HACE1: variants seen among roughly 807,000 people sequenced by gnomAD.
The protein encoded by HACE1 is HECT domain and ankyrin repeat containing E3 ubiquitin protein ligase 1, also known as E3 ubiquitin-protein ligase HACE1.
In HACE1, 73 loss-of-function variants were observed where a neutral mutation model predicts 118.4. That is an observed-to-expected ratio of 0.62 (90% CI 0.51 to 0.75). The LOEUF is 0.75. Among genes scored for constraint, HACE1 ranks in the 30% least tolerant of loss-of-function variants. The pLI is 0.00. For synonymous variants in HACE1, 368 were observed against 374.8 expected (o/e 0.98, Z 0.21); for missense variants, 749 against 1,102.2 (o/e 0.68, Z 4.54).
At chr6:104,752,909 C>A (rs756159609) in intron 19 of HACE1, among the ~76,000 whole-genome samples, 8 of 151,980 alleles carry the variant, frequency 5.3e-5, no homozygotes, top group Non-Finnish European at 8.8e-5. Context: ...TTAAGTAATT[C>A]AAATGTGGAT....
At chr6:104,839,543 TA>T (rs1449077752) in intron 5 of HACE1, among the ~76,000 whole-genome samples, 2 of 152,190 alleles carry the variant, frequency 1.3e-5, no homozygotes, top group Non-Finnish European at 2.9e-5. Flanking sequence ...GGTATGGTTA[TA>T]AAAGGGCAAC....
rs146346704 is a variant in HACE1 at position 104,735,638 on chromosome 6, A to C, written c.2514-5222T>G. Among the ~76,000 whole-genome samples the C allele has an allele frequency of 6.7e-3, 1,018 of 152,290 alleles. 10 individuals carry two copies. The highest frequency in any genetic ancestry group is 0.023 in the African/African-American group (972 of 41,576). Reference sequence around the variant, plus strand: ...AGAGCGAGACTCCGTCTCAAAAAAAAAAAAAGTAAAAATGACTATACCCTG... The same window carrying C: ...AGAGCGAGACTCCGTCTCAAAAAAACAAAAAGTAAAAATGACTATACCCTG... On this transcript the variant is annotated intron_variant, in intron 22 of 23. Coordinates refer to ENST00000262903, the MANE Select transcript of HACE1 (RefSeq NM_020771.4).
In HACE1 at chr6:104,852,181, C is replaced by T. The variant is rs535259385; in HGVS notation, c.131+136G>A. 30 of 655,230 alleles carry T rather than the reference C, an allele frequency of 4.6e-5. No homozygotes were observed. In the South Asian group the frequency reaches 5.1e-4, roughly 11 times the overall value. 40.6% of individuals were successfully genotyped at this position (655,230 alleles called of 1,614,324 possible). On this transcript the variant is annotated intron_variant, in intron 2 of 23. Coordinates refer to ENST00000262903, the MANE Select transcript of HACE1 (RefSeq NM_020771.4). ...AAAAGTTAAATAACTTGCCCCAGAA[C>T]ATCTATGTCCAAACTGTCTGTGTGT...
At chr6:104,803,205 C>A (rs759272071) in intron 7 of HACE1, among the ~76,000 whole-genome samples, 1 of 152,124 alleles carries the variant, frequency 6.6e-6, no homozygotes, top group East Asian at 1.9e-4. Context: ...AATTAATAGC[C>A]TACCAACCAA....
At chr6:104,799,007 G>A (rs568759643) in intron 7 of HACE1, among the ~76,000 whole-genome samples, 1 of 152,274 alleles carries the variant, frequency 6.6e-6, no homozygotes, top group South Asian at 2.1e-4. Context: ...TCAATGAATT[G>A]TATTATAGGC....
chr6:104,846,093 C>G (rs991388542), intron 4 of HACE1, among the ~76,000 whole-genome samples: 2 of 152,148 alleles, frequency 1.3e-5, no homozygotes, highest in African/African-American at 4.8e-5. Context: ...AAGCAGTAAT[C>G]TATAATGCTT....
chr6:104,774,676 G>A (rs983719024), intron 17 of HACE1, among the ~76,000 whole-genome samples: 7 of 152,096 alleles, frequency 4.6e-5, no homozygotes, highest in South Asian at 2.1e-4. Context: ...GAGCCACCGC[G>A]CCCAAGCAGG....
rs561820706 is a variant in HACE1 at position 104,815,199 on chromosome 6, C to T, written c.535-3806G>A. ...CTGCTGATAGTGATATGGACAATGA[C>T]GTCCAGGCTGAGGTGATCTCAGATG... On this transcript the variant is annotated intron_variant, in intron 6 of 23. Transcript: ENST00000262903. Among the ~76,000 whole-genome samples the T allele has an allele frequency of 8.0e-5, 11 of 137,366 alleles. 5 individuals are homozygous for T. Among genetic ancestry groups the T allele is most frequent in the African/African-American group, 2.9e-4 (10 of 34,266 alleles). The allele number at this position is 137,366 out of a possible 152,430, so 90.1% of individuals were successfully genotyped here.
chr6:104,846,147 G>A (rs1195081805), intron 4 of HACE1, among the ~76,000 whole-genome samples: 5 of 152,192 alleles, frequency 3.3e-5, no homozygotes, highest in Non-Finnish European at 7.3e-5. Flanking sequence ...GAATGTAGGA[G>A]AGAAATATAT....
Position 104,776,766 on chromosome 6 carries a change from A to C in HACE1, c.1839T>G (p.Tyr613Ter). Residue 613 changes from tyrosine (Y) to a stop codon, truncating the protein, a stop_gained, in exon 17 of 24, where the codon TAT (tyrosine) becomes TAG (stop). Transcript: ENST00000262903. LOFTEE classifies it high-confidence loss of function. The stretch of plus-strand genomic sequence containing the variant: ...CATCAGCTGACTGGGTAAACAATGC[A>C]TAATCAGGATTGACTATCTCATTGG... ...ILSNEIVNPDYALFTQSADGT... is the reference protein window; with the variant it reads ...ILSNEIVNPD 3 of 1,606,896 alleles carry C rather than the reference A, an allele frequency of 1.9e-6. No individual in the cohort carries two copies. The highest frequency in any genetic ancestry group is 2.6e-6 in the Non-Finnish European group (3 of 1,173,378).
intron 6 of HACE1, among the ~76,000 whole-genome samples, chr6:104,831,984 A>AGAAG (rs201781305): frequency 1.1e-3 from 66 of 58,496 alleles, no homozygotes; most frequent in Middle Eastern, 7.7e-3. Flanking sequence ...AGAAGAGAGG[A>AGAAG]AGGAAGGAAG....
At chr6:104,854,575 A>AT (rs36112284) in intron 1 of HACE1, among the ~76,000 whole-genome samples, 23,030 of 151,944 alleles carry the variant, frequency 0.15, 1,777 homozygotes, top group Middle Eastern at 0.25. Flanking sequence ...ACCATACGTA[A>AT]TATGTAGTCC....
chr6:104,830,453 AT>A (rs1256288313), intron 6 of HACE1, among the ~76,000 whole-genome samples: 1 of 152,232 alleles, frequency 6.6e-6, no homozygotes, highest in African/African-American at 2.4e-5. Flanking sequence ...AAAGGATCCT[AT>A]AACCCTCCAT....
At chr6:104,851,786 CT>C in intron 2 of HACE1, among the ~76,000 whole-genome samples, 1 of 152,170 alleles carries the variant, frequency 6.6e-6, no homozygotes, top group Non-Finnish European at 1.5e-5. Context: ...CATTCTTCTT[CT>C]TATATCAAAA....
intron 19 of HACE1, among the ~76,000 whole-genome samples, chr6:104,770,907 A>AT (rs1447978251): frequency 6.6e-6 from 1 of 152,208 alleles, no homozygotes; most frequent in Admixed American, 6.5e-5. Context: ...ATTTAAGCTT[A>AT]TATTTCTAAT....
chr6:104,816,049 G>A (rs1772079732), intron 6 of HACE1, among the ~76,000 whole-genome samples: 1 of 151,188 alleles, frequency 6.6e-6, no homozygotes, highest in Admixed American at 6.6e-5. Flanking sequence ...CTCCAGCCTG[G>A]GCGACAAGAG....
chr6:104,854,814 T>C (rs1317943803), intron 1 of HACE1, among the ~76,000 whole-genome samples: 1 of 152,198 alleles, frequency 6.6e-6, no homozygotes, highest in African/African-American at 2.4e-5. Context: ...AAAAAAGTTA[T>C]CAATATTCCT....
intron 5 of HACE1, among the ~76,000 whole-genome samples, chr6:104,834,188 A>T (rs1447406011): frequency 6.6e-6 from 1 of 152,174 alleles, no homozygotes; most frequent in Non-Finnish European, 1.5e-5. Flanking sequence ...ATAATGGTTC[A>T]AAACAGTAAG....
Position 104,784,956 on chromosome 6 carries a change from A to T in HACE1, c.1409+29T>A, listed in dbSNP as rs746113041. On this transcript the variant is annotated intron_variant, in intron 12 of 23. Coordinates refer to ENST00000262903, the MANE Select transcript of HACE1 (RefSeq NM_020771.4). ...TGCTTTTCATCATCTATCAGAGAAA[A>T]AAAAAATAATAAGCCAAAACTTTCT... 2.5e-5 allele frequency: 36 copies of T among 1,448,550 alleles called. No homozygotes were observed. The South Asian group carries it at 4.1e-4, about 17-fold the overall frequency. 89.7% of individuals were successfully genotyped at this position (1,448,550 alleles called of 1,614,324 possible). A position where few individuals can be genotyped will look rare whatever the true frequency, so the allele number is the denominator to read the frequency against.
Sources: allele counts gnomAD v4.1 joint callset (sites outside exome capture counted in the v4.1 genomes callset), GRCh38; gene constraint gnomAD v4.1.1; transcripts MANE v1.5; gene names NCBI Gene and HGNC (gene_info 2026-07-23, HGNC 2026-07-21).